DSCAML1: variants seen among roughly 807,000 people sequenced by gnomAD.
DSCAML1 encodes the protein DS cell adhesion molecule like 1.
DSCAML1 carries 38 observed loss-of-function variants against 200.5 expected under a neutral mutation model. The observed-to-expected ratio is 0.19, with a 90% CI of 0.15 to 0.25. The LOEUF (loss-of-function observed/expected upper bound fraction) is 0.25, where lower values mean the gene tolerates loss of function less well. Among genes scored for constraint, DSCAML1 ranks in the 10% least tolerant of loss-of-function variants. DSCAML1 has a pLI of 1.00. For missense variants in DSCAML1, 2,223 were observed against 2,858.8 expected (o/e 0.78, Z 5.07); for synonymous variants, 1,215 against 1,165.0 (o/e 1.04, Z -0.87).
At chr11:117,672,300 T>C (rs935659426) in intron 3 of DSCAML1, among the ~76,000 whole-genome samples, 1 of 151,930 alleles carries the variant, frequency 6.6e-6, no homozygotes, top group African/African-American at 2.4e-5. Context: ...GCAGTCCCTG[T>C]TGTATAATTT....
At chr11:117,555,873 T>C (rs12287406) in intron 3 of DSCAML1, among the ~76,000 whole-genome samples, 2,619 of 131,660 alleles carry the variant, frequency 0.02, 73 homozygotes, top group African/African-American at 0.07. Context: ...CTGCAGAGTA[T>C]GGAGGGGGCT....
At chr11:117,741,912 G>C (rs760062848) in intron 3 of DSCAML1, among the ~76,000 whole-genome samples, 10 of 152,198 alleles carry the variant, frequency 6.6e-5, no homozygotes, top group Non-Finnish European at 1.3e-4. Flanking sequence ...GACAAGAGGG[G>C]AAAGGAAAAT....
At chr11:117,610,792 C>G (rs540552126) in intron 3 of DSCAML1, among the ~76,000 whole-genome samples, 1 of 151,004 alleles carries the variant, frequency 6.6e-6, no homozygotes, top group Admixed American at 6.6e-5. Context: ...TTCTAGGTTT[C>G]AGCTGTTACA....
chr11:117,708,276 GC>G (rs1437019175), intron 3 of DSCAML1, among the ~76,000 whole-genome samples: 2 of 152,128 alleles, frequency 1.3e-5, no homozygotes, highest in Non-Finnish European at 2.9e-5. Flanking sequence ...TAGGAGAGTG[GC>G]CCTCTCTGCT....
rs2051290251 is a variant in DSCAML1, at chr11:117,593,100, C to T, written c.512-60578G>A. 2.6e-5 allele frequency among the ~76,000 whole-genome samples: 4 copies of T among 152,274 alleles called. No individual in the cohort carries two copies. In the South Asian group the frequency reaches 6.2e-4, roughly 24 times the overall value. ...CACTAAACAAGAGGCTGTCCCTGTT[C>T]CTCACTACTGAAGAAAGGGGGCAGT... is the stretch of plus-strand genomic sequence containing the variant. On this transcript the variant is annotated intron_variant, in intron 3 of 32. Transcript: ENST00000651296.
intron 3 of DSCAML1, among the ~76,000 whole-genome samples, chr11:117,540,579 G>GA (rs1175835185): frequency 1.3e-5 from 2 of 150,910 alleles, no homozygotes; most frequent in African/African-American, 2.4e-5. Context: ...AATTAAAGTT[G>GA]AAAAAAAATT....
At chr11:117,686,955 A>G (rs942986861) in intron 3 of DSCAML1, among the ~76,000 whole-genome samples, 4 of 152,204 alleles carry the variant, frequency 2.6e-5, no homozygotes, top group African/African-American at 9.7e-5. Context: ...GACACATTGA[A>G]TGTCTTTCCT....
Position 117,437,180 on chromosome 11 carries a change from G to A in DSCAML1, c.4662C>T (p.Cys1554=), listed in dbSNP as rs2047935970. ...ATWYELRMRA[C]NSAGCGNETA... is the part of the protein sequence containing the mutation. Reference sequence around the variant, plus strand: ...TTTCATTGCCGCAGCCCGCACTGTTGCAAGCCCTCATGCGCAGCTCGTACC... The same window carrying A: ...TTTCATTGCCGCAGCCCGCACTGTTACAAGCCCTCATGCGCAGCTCGTACC... Residue 1554 remains cysteine (C), a synonymous_variant, in exon 26 of 33, where the codon TGC becomes TGT. Transcript: ENST00000651296. The surrounding 1 kb of genome is among the most constrained non-coding windows in gnomAD (Gnocchi z 5.3). 1 of 1,614,086 alleles carries A rather than the reference G, an allele frequency of 6.2e-7. No homozygotes were observed. The highest frequency in any genetic ancestry group is 1.3e-5 in the African/African-American group (1 of 74,918).
At chr11:117,539,606 CA>C (rs35130897) in intron 3 of DSCAML1, among the ~76,000 whole-genome samples, 1,542 of 52,568 alleles carry the variant, frequency 0.029, 12 homozygotes, top group African/African-American at 0.059. Context: ...AAAACTCTGT[CA>C]AAAAAAAAAA....
chr11:117,715,465 G>A (rs1201889586), intron 3 of DSCAML1, among the ~76,000 whole-genome samples: 1 of 152,190 alleles, frequency 6.6e-6, no homozygotes, highest in East Asian at 1.9e-4. Context: ...TTTTACAACA[G>A]AAAGTATATC....
At chr11:117,497,888 C>T (rs2049322382) in intron 11 of DSCAML1, among the ~76,000 whole-genome samples, 1 of 152,270 alleles carries the variant, frequency 6.6e-6, no homozygotes, top group Admixed American at 6.5e-5. Context: ...TGCCCCGCCT[C>T]CTCCCCCTGC....
At chr11:117,543,171 G>A (rs1227852937) in intron 3 of DSCAML1, among the ~76,000 whole-genome samples, 1 of 152,216 alleles carries the variant, frequency 6.6e-6, no homozygotes, top group Non-Finnish European at 1.5e-5. Context: ...AGAGGTTAGG[G>A]GGACTCAGAA....
intron 3 of DSCAML1, among the ~76,000 whole-genome samples, chr11:117,769,091 T>G (rs1203550220): frequency 1.5e-5 from 2 of 129,810 alleles, no homozygotes; most frequent in East Asian, 2.0e-4. Flanking sequence ...ATATATAATA[T>G]ATATTTTATA....
At chr11:117,460,690 G>A (rs1177776918) in intron 18 of DSCAML1, among the ~76,000 whole-genome samples, 1 of 152,114 alleles carries the variant, frequency 6.6e-6, no homozygotes, top group Non-Finnish European at 1.5e-5. Flanking sequence ...CACATTCCAG[G>A]GCGAGGAAGA....
intron 3 of DSCAML1, among the ~76,000 whole-genome samples, chr11:117,626,209 CTCCTT>C (rs1232744689): frequency 0.014 from 1,955 of 139,706 alleles, 19 homozygotes; most frequent in Admixed American, 0.02. Context: ...ACCCCCCCCC[CTCCTT>C]CTTCTGGCAT....
At chr11:117,771,265 A>C (rs1290734290) in intron 3 of DSCAML1, among the ~76,000 whole-genome samples, 1 of 152,170 alleles carries the variant, frequency 6.6e-6, no homozygotes, top group Non-Finnish European at 1.5e-5. Context: ...AACCAAGATC[A>C]CATTTGTTTG....
chr11:117,719,387 T>C (rs1591437942), intron 3 of DSCAML1, among the ~76,000 whole-genome samples: 2 of 152,182 alleles, frequency 1.3e-5, no homozygotes, highest in Admixed American at 6.5e-5. Flanking sequence ...AAGGTGGCAG[T>C]GAGCCGAGAT....
At chr11:117,582,170 TC>T (rs1433167459) in intron 3 of DSCAML1, among the ~76,000 whole-genome samples, 1 of 152,248 alleles carries the variant, frequency 6.6e-6, no homozygotes, top group Non-Finnish European at 1.5e-5. Context: ...CCTGGTTTCT[TC>T]TGGACCTGGT....
intron 3 of DSCAML1, among the ~76,000 whole-genome samples, chr11:117,560,847 A>G (rs1314353509): frequency 2.0e-5 from 3 of 152,216 alleles, no homozygotes; most frequent in East Asian, 3.8e-4. Flanking sequence ...TTACTGTAAA[A>G]TTAATCATCA....
Sources: gnomAD v4.1 joint callset for allele counts (sites outside exome capture counted in the v4.1 genomes callset) on GRCh38, gnomAD v4.1.1 for gene constraint, Gnocchi (gnomAD v3.1) non-coding constraint, MANE v1.5 for transcripts, NCBI Gene and HGNC (gene_info 2026-07-23, HGNC 2026-07-21) for gene names.